CCDC91: variants seen among roughly 807,000 people sequenced by gnomAD.
The protein encoded by CCDC91 is coiled-coil domain-containing protein 91.
A neutral mutation model predicts 63.2 loss-of-function variants in CCDC91; 48 were observed. The observed-to-expected ratio is 0.76, with a 90% CI of 0.60 to 0.97. The LOEUF is 0.97. CCDC91 is among the 50% of genes least tolerant of loss of function. CCDC91 has a pLI of 0.00. For synonymous variants in CCDC91, 167 were observed against 165.8 expected (o/e 1.01, Z -0.06); for missense variants, 500 against 494.6 (o/e 1.01, Z -0.10).
intron 8 of CCDC91, among the ~76,000 whole-genome samples, chr12:28,426,879 T>C (rs1476638513): frequency 6.6e-6 from 1 of 152,234 alleles, no homozygotes; most frequent in Admixed American, 6.5e-5. Flanking sequence ...TGATGTACTA[T>C]ATAATAGCAA....
At chr12:28,369,367 C>A (rs1441040968) in intron 7 of CCDC91, among the ~76,000 whole-genome samples, 5 of 152,176 alleles carry the variant, frequency 3.3e-5, no homozygotes, top group African/African-American at 1.2e-4. Flanking sequence ...AAAATCATCT[C>A]CTTTGACTCC....
chr12:28,385,082 G>T (rs1945518671), intron 7 of CCDC91, among the ~76,000 whole-genome samples: 2 of 152,082 alleles, frequency 1.3e-5, no homozygotes, highest in African/African-American at 4.8e-5. Flanking sequence ...ATACCTTTCA[G>T]TTTTGCTCAT....
intron 1 of CCDC91, among the ~76,000 whole-genome samples, chr12:28,195,330 A>G (rs1211656445): frequency 1.3e-5 from 2 of 152,192 alleles, no homozygotes; most frequent in African/African-American, 4.8e-5. Context: ...TGCGTTTACA[A>G]ACTGTTAGCT....
chr12:28,250,953 AGTGTGTGTGT>A (rs3064712), intron 1 of CCDC91, among the ~76,000 whole-genome samples: 9,352 of 145,380 alleles, frequency 0.064, 684 homozygotes, highest in African/African-American at 0.19. Context: ...TTAAGGTTTG[AGTGTGTGTGT>A]GTGTGTGTGT....
At chr12:28,211,676 A>T (rs1402030991) in intron 1 of CCDC91, among the ~76,000 whole-genome samples, 4 of 151,756 alleles carry the variant, frequency 2.6e-5, no homozygotes, top group Admixed American at 2.0e-4. Flanking sequence ...GCTGGAAGGA[A>T]CTCAGTTTTC....
intron 7 of CCDC91, among the ~76,000 whole-genome samples, chr12:28,381,761 A>G (rs1945310921): frequency 6.6e-6 from 1 of 152,160 alleles, no homozygotes. Context: ...TAAATCAGCA[A>G]GCACTACTTG....
At chr12:28,254,096 AC>A (rs1333728143) in intron 1 of CCDC91, among the ~76,000 whole-genome samples, 1 of 152,210 alleles carries the variant, frequency 6.6e-6, no homozygotes, top group Non-Finnish European at 1.5e-5. Flanking sequence ...TTCTTATAAA[AC>A]ATTTTTAGAA....
chr12:28,446,959 T>C (rs1360386613), intron 8 of CCDC91, among the ~76,000 whole-genome samples: 1 of 152,318 alleles, frequency 6.6e-6, no homozygotes, highest in East Asian at 1.9e-4. Flanking sequence ...TTAGGTGCTC[T>C]GGCAGTCCAT....
chr12:28,442,002 G>T (rs915208810), intron 8 of CCDC91, among the ~76,000 whole-genome samples: 6 of 151,894 alleles, frequency 4.0e-5, no homozygotes, highest in African/African-American at 1.2e-4. Flanking sequence ...TAGGTAGTGG[G>T]TGGCATTACA....
At chr12:28,522,823 C>T (rs1341303305) in intron 12 of CCDC91, among the ~76,000 whole-genome samples, 2 of 152,090 alleles carry the variant, frequency 1.3e-5, no homozygotes, top group Admixed American at 6.6e-5. Flanking sequence ...GCCTTCATTT[C>T]GTTATGTACC....
chr12:28,476,138 C>T (rs553580128), intron 11 of CCDC91, among the ~76,000 whole-genome samples: 10 of 151,916 alleles, frequency 6.6e-5, no homozygotes, highest in African/African-American at 2.2e-4. Flanking sequence ...AAGACTTTCT[C>T]GTAACTTTAA....
At position 28,480,020 on chromosome 12, in the gene CCDC91, G is replaced by A. The variant is rs562055812; in HGVS notation, c.1102-4032G>A. Among the ~76,000 whole-genome samples, 18 of 151,996 alleles carry A rather than the reference G, an allele frequency of 1.2e-4. No homozygotes were observed. In the South Asian group the frequency reaches 3.5e-3, roughly 30 times the overall value. On this transcript the variant is annotated intron_variant, in intron 11 of 12. Coordinates refer to ENST00000536442, the MANE Select transcript of CCDC91 (RefSeq NM_018318.5). ...CTTTACATCTTGGGTTGCTGACATCGGCCTTAAGCCTTCAGGGTCCCCACT... is the reference window on the plus strand; with the variant it reads ...CTTTACATCTTGGGTTGCTGACATCAGCCTTAAGCCTTCAGGGTCCCCACT...
chr12:28,426,667 T>G (rs1455865411), intron 8 of CCDC91, among the ~76,000 whole-genome samples: 1 of 152,178 alleles, frequency 6.6e-6, no homozygotes, highest in Admixed American at 6.6e-5. Context: ...TTTGATTCTT[T>G]CTTTGAGCTT....
rs191586043 is a variant in CCDC91, at chr12:28,304,530, G to A, written c.110-1119G>A. ...TGCAATATTGCTACATAATAAAAGT[G>A]TGTATAAGATAATTGAATTCTTAGA... On this transcript the variant is annotated intron_variant, in intron 3 of 12. Transcript: ENST00000536442. 16 of 379,174 alleles carry A rather than the reference G, an allele frequency of 4.2e-5. No homozygotes were observed. In the East Asian group the frequency reaches 1.3e-3, roughly 31 times the overall value. 23.5% of individuals were successfully genotyped at this position (379,174 alleles called of 1,614,324 possible).
intron 1 of CCDC91, among the ~76,000 whole-genome samples, chr12:28,205,254 A>T (rs1191486843): frequency 2.0e-5 from 3 of 151,030 alleles, no homozygotes; most frequent in African/African-American, 7.3e-5. Context: ...TTTTTTTTTT[A>T]ACATGCAAGT....
At chr12:28,319,774 AATT>A (rs1940290233) in intron 6 of CCDC91, among the ~76,000 whole-genome samples, 1 of 151,658 alleles carries the variant, frequency 6.6e-6, no homozygotes, top group African/African-American at 2.4e-5. Context: ...ATGCTATGTA[AATT>A]ATTGTTATAT....
rs796404166 is a variant in CCDC91, at chr12:28,220,264, CTAAT to C, written c.-15+29643_-15+29646del. ...TGGACTTCCTAGGTGTATATCTTTGCTAATTAATTAATTAATTAATTAAATGCTG... is the reference window on the plus strand; with the variant it reads ...TGGACTTCCTAGGTGTATATCTTTGCTAATTAATTAATTAATTAAATGCTG... On this transcript the variant is annotated intron_variant, in intron 1 of 12. Transcript: ENST00000536442. 1.9e-4 allele frequency among the ~76,000 whole-genome samples: 29 copies of C among 151,640 alleles called. 1 individual carries two copies. Among genetic ancestry groups the C allele is most frequent in the South Asian group, 4.2e-4 (2 of 4,818 alleles).
intron 1 of CCDC91, among the ~76,000 whole-genome samples, chr12:28,219,918 AT>A (rs1220344151): frequency 6.6e-6 from 1 of 152,186 alleles, no homozygotes; most frequent in Non-Finnish European, 1.5e-5. Context: ...GAATATAGAC[AT>A]TTCAACTTTC....
intron 1 of CCDC91, among the ~76,000 whole-genome samples, chr12:28,210,417 A>T (rs1293340547): frequency 6.6e-6 from 1 of 152,206 alleles, no homozygotes; most frequent in East Asian, 1.9e-4. Context: ...TATAAACATT[A>T]CACACACAAC....
Sources: allele counts gnomAD v4.1 joint callset (sites outside exome capture counted in the v4.1 genomes callset), GRCh38; gene constraint gnomAD v4.1.1; transcripts MANE v1.5; gene names NCBI Gene and HGNC (gene_info 2026-07-23, HGNC 2026-07-21).